ZFR2: variants seen among roughly 807,000 people sequenced by gnomAD.
ZFR2 encodes zinc finger RNA-binding protein 2.
Under a neutral mutation model 105.7 loss-of-function variants are expected in ZFR2, and 104 were observed. The ratio of observed to expected loss-of-function variants is 0.98; its 90% CI spans 0.84 to 1.16. ZFR2 has a LOEUF of 1.16. ZFR2 is among the 50% of genes most tolerant of loss of function. The probability of loss-of-function intolerance (pLI) is 0.00; values close to 1 mark genes in which losing one functional copy is unlikely to be tolerated. For missense variants in ZFR2, 1,425 were observed against 1,355.5 expected, an observed-to-expected ratio of 1.05 and a Z score of -0.80; for synonymous variants, 634 against 597.7, an observed-to-expected ratio of 1.06 and a Z score of -0.89.
chr19:3,858,000 G>C (rs1015792734), intron 1 of ZFR2, among the ~76,000 whole-genome samples: 1 of 152,204 alleles, frequency 6.6e-6, no homozygotes, highest in African/African-American at 2.4e-5. Context: ...CAGGCCCCAG[G>C]CTAATGTCTT....
At position 3,820,213 on chromosome 19, in the gene ZFR2, C is replaced by T; in HGVS notation, c.1709G>A (p.Arg570Lys). Residue 570 changes from arginine to lysine, a missense_variant, in exon 11 of 19, where the codon AGG becomes AAG. Arg to Lys is a conservative substitution (Grantham distance 26). Coordinates refer to ENST00000262961, the MANE Select transcript of ZFR2 (RefSeq NM_015174.2). ...TGGGGCGCTGGCGGGTGACTCCGGC[C>T]TGCCCATGAGCAGAGGCTGGGCCCA... Reference protein sequence around the residue: ...PDWAQPLLMGRPESPASAPLQ... With the variant: ...PDWAQPLLMGKPESPASAPLQ... The T allele has an allele frequency of 6.4e-7, 1 of 1,552,500 alleles. No individual in the cohort carries two copies.
intron 14 of ZFR2, among the ~76,000 whole-genome samples, chr19:3,812,597 C>T (rs577558747): frequency 7.5e-4 from 114 of 152,138 alleles, no homozygotes; most frequent in Non-Finnish European, 5.0e-4. Context: ...CCTTAACCCG[C>T]CCCCACAACC....
In ZFR2 at chr19:3,828,559, A is replaced by G. The variant is rs529062887; in HGVS notation, c.853-906T>C. Among the ~76,000 whole-genome samples the G allele has an allele frequency of 6.6e-5, 10 of 152,338 alleles. No homozygotes were observed. The South Asian group carries it at 2.1e-3, about 32-fold the overall frequency. On this transcript the variant is annotated intron_variant, in intron 5 of 18. Transcript: ENST00000262961. ...ACTTCCATCTTAGGAAACTGCTAAT[A>G]GACACAGGGGCTCCACCCGGGGGAA...
chr19:3,857,868 C>G (rs749695446), intron 1 of ZFR2, among the ~76,000 whole-genome samples: 2 of 152,066 alleles, frequency 1.3e-5, no homozygotes, highest in Non-Finnish European at 2.9e-5. Context: ...AACAAGCACG[C>G]GCTGGTGCTG....
chr19:3,835,881 A>T (rs2038073051), intron 1 of ZFR2, among the ~76,000 whole-genome samples: 1 of 152,010 alleles, frequency 6.6e-6, no homozygotes, highest in Admixed American at 6.6e-5. Context: ...TGAGCCCAGG[A>T]AGTAGAGGCT....
At chr19:3,840,608 T>C (rs531560294) in intron 1 of ZFR2, among the ~76,000 whole-genome samples, 1 of 152,124 alleles carries the variant, frequency 6.6e-6, no homozygotes, top group African/African-American at 2.4e-5. Flanking sequence ...TAGCTCACTG[T>C]AGCCTCGAAA....
At chr19:3,826,449 T>C (rs1211966434) in intron 6 of ZFR2, among the ~76,000 whole-genome samples, 1 of 151,420 alleles carries the variant, frequency 6.6e-6, no homozygotes. Flanking sequence ...TTTTTTTTTC[T>C]TTTGGCGACA....
At chr19:3,828,101 C>T (rs967974544) in intron 5 of ZFR2, among the ~76,000 whole-genome samples, 1 of 151,664 alleles carries the variant, frequency 6.6e-6, no homozygotes, top group Non-Finnish European at 1.5e-5. Context: ...ATGACAGGAG[C>T]GCACCACCGC....
chr19:3,865,572 A>G (rs539700771), intron 1 of ZFR2, among the ~76,000 whole-genome samples: 1 of 152,180 alleles, frequency 6.6e-6, no homozygotes, highest in African/African-American at 2.4e-5. Context: ...TGCCCAGGCT[A>G]ATGTCAAACT....
chr19:3,808,061 ATG>A (rs1491100982), intron 17 of ZFR2, among the ~76,000 whole-genome samples: 3 of 101,398 alleles, frequency 3.0e-5, no homozygotes, highest in African/African-American at 1.5e-4. Context: ...GTGTGCGTGC[ATG>A]TGTGCCCGTG....
intron 1 of ZFR2, among the ~76,000 whole-genome samples, chr19:3,861,641 T>C (rs1017728693): frequency 4.7e-5 from 7 of 148,552 alleles, no homozygotes; most frequent in African/African-American, 7.5e-5. Context: ...ATAATTGAAA[T>C]AGGGCTGGGC....
intron 5 of ZFR2, among the ~76,000 whole-genome samples, chr19:3,829,191 A>T (rs1171507264): frequency 6.6e-6 from 1 of 151,962 alleles, no homozygotes; most frequent in East Asian, 1.9e-4. Flanking sequence ...TGAACTCCTG[A>T]CCTCAGGCGA....
intron 1 of ZFR2, chr19:3,852,698 A>G (rs2038254233): frequency 3.0e-6 from 2 of 659,876 alleles, no homozygotes; most frequent in Non-Finnish European, 5.6e-6. Context: ...ACAATCTGCC[A>G]CATTGTGGTT....
chr19:3,857,743 G>T lies in ZFR2; in HGVS notation c.53+11222C>A, dbSNP rs900113729. Among the ~76,000 whole-genome samples the T allele has an allele frequency of 1.4e-4, 21 of 150,332 alleles. No homozygotes were observed. In the East Asian group the frequency reaches 3.1e-3, roughly 22 times the overall value. On this transcript the variant is annotated intron_variant, in intron 1 of 18. Transcript: ENST00000262961. ...CATGAATTTATTCTCAGTAAAGCCT[G>T]CCCATAACCAATGAGCCCAGGCTAT...
Position 3,821,399 on chromosome 19 carries a change from C to T in ZFR2, c.1572G>A (p.Lys524=), listed in dbSNP as rs545989881. Residue 524 remains lysine (K), a synonymous_variant, in exon 10 of 19, where the codon AAG becomes AAA. Transcript: ENST00000262961. ...GCCGCTCCTCCGCCAGGTGCCGCTG[C>T]TTCCTCATGCGCTCCTCCAGGACCT... The part of the protein sequence containing the change: ...ARKVLEERMR[K]QRHLAEERLE... 5 of 1,611,572 alleles carry T rather than the reference C, an allele frequency of 3.1e-6. No homozygotes were observed. The African/African-American group carries it at 4.0e-5, about 13-fold the overall frequency.
At chr19:3,820,386 G>A in intron 10 of ZFR2, 96 bp from the exon 11 acceptor site, 1 of 1,210,070 alleles carries the variant, frequency 8.3e-7, no homozygotes, top group Non-Finnish European at 1.1e-6. Flanking sequence ...TCCCAGCAAG[G>A]AAGGAAGGGC....
At chr19:3,825,165 A>C (rs1278540892) in intron 7 of ZFR2, 65 bp downstream of exon 7, 2 of 1,394,458 alleles carry the variant, frequency 1.4e-6, no homozygotes, top group East Asian at 6.0e-5. Context: ...AGATTTTCTC[A>C]CGAAACTTTC....
chr19:3,844,039 G>T (rs937731521), intron 1 of ZFR2, among the ~76,000 whole-genome samples: 1 of 145,628 alleles, frequency 6.9e-6, no homozygotes, highest in East Asian at 2.1e-4. Context: ...AGGGACCGGG[G>T]AGGGGAAGGG....
At chr19:3,847,658 C>T (rs576523666) in intron 1 of ZFR2, among the ~76,000 whole-genome samples, 31 of 152,316 alleles carry the variant, frequency 2.0e-4, no homozygotes, top group Admixed American at 3.9e-4. Context: ...GAGGCTCAGG[C>T]CTCACCTTTT....
Sources: allele counts gnomAD v4.1 joint callset (sites outside exome capture counted in the v4.1 genomes callset), GRCh38; gene constraint gnomAD v4.1.1; transcripts MANE v1.5; gene names NCBI Gene and HGNC (gene_info 2026-07-23, HGNC 2026-07-21).